Variants in CNTLN observed in about 807,000 individuals in gnomAD.
CNTLN encodes centlein, centrosomal protein.
Under a neutral mutation model 180.0 loss-of-function variants are expected in CNTLN, and 212 were observed. The ratio of observed to expected loss-of-function variants is 1.18; its 90% CI spans 1.05 to 1.32. CNTLN has a LOEUF of 1.32. Among genes scored for constraint, CNTLN ranks in the 40% most tolerant of loss-of-function variants. The pLI is 0.00. For missense variants in CNTLN, 2,095 were observed against 1,610.9 expected (o/e 1.30, Z -5.14); for synonymous variants, 722 against 563.1 (o/e 1.28, Z -3.99).
At chr9:17,305,718 ACCAAGTTT>A (rs1297494194) in intron 7 of CNTLN, among the ~76,000 whole-genome samples, 4 of 152,158 alleles carry the variant, frequency 2.6e-5, no homozygotes, top group Non-Finnish European at 5.9e-5. Flanking sequence ...GGCTGTTTTA[ACCAAGTTT>A]ACTGCTGGAC....
intron 23 of CNTLN, among the ~76,000 whole-genome samples, chr9:17,483,936 A>G (rs75594801): frequency 0.036 from 5,464 of 152,290 alleles, 320 homozygotes; most frequent in African/African-American, 0.12. Flanking sequence ...ATATATGCAC[A>G]TTGTGGAATA....
rs138571446 is a variant in CNTLN at position 17,406,670 on chromosome 9, T to C, written c.2616-2623T>C. Among the ~76,000 whole-genome samples, 449 of 151,978 alleles carry C rather than the reference T, an allele frequency of 3.0e-3. 11 individuals carry two copies. The highest frequency in any genetic ancestry group is 0.01 in the African/African-American group (428 of 41,244). ...TCATATTTCAGATTTATTGTGCTTA[T>C]TGTTTTCTTCGTGGATAGACTAAAT... is the stretch of plus-strand genomic sequence containing the variant. On this transcript the variant is annotated intron_variant, in intron 15 of 25. Coordinates refer to ENST00000380647, the MANE Select transcript of CNTLN (RefSeq NM_017738.4).
intron 7 of CNTLN, among the ~76,000 whole-genome samples, chr9:17,307,249 C>G (rs1049542099): frequency 2.0e-5 from 3 of 151,668 alleles, no homozygotes; most frequent in African/African-American, 7.3e-5. Flanking sequence ...TTTTAAATAT[C>G]TCCACAATAA....
chr9:17,241,956 T>TA (rs1301605354), intron 5 of CNTLN, among the ~76,000 whole-genome samples: 8 of 152,214 alleles, frequency 5.3e-5, no homozygotes, highest in African/African-American at 1.9e-4. Flanking sequence ...TGGTGGACTC[T>TA]TCAGGTTTTT....
At position 17,205,793 on chromosome 9, in the gene CNTLN, A is replaced by G. The variant is rs544049731; in HGVS notation, c.450-20410A>G. Among the ~76,000 whole-genome samples the G allele has an allele frequency of 4.1e-4, 63 of 152,288 alleles. No homozygotes were observed. The South Asian group carries it at 0.013, about 31-fold the overall frequency. ...TATCTGAATCCTGCTGCATGCTACC[A>G]TTATCACTGTTTTCCATGTTGATGC... On this transcript the variant is annotated intron_variant, in intron 2 of 25. Transcript: ENST00000380647.
chr9:17,406,031 T>A (rs1353503248), intron 15 of CNTLN, among the ~76,000 whole-genome samples: 1 of 151,774 alleles, frequency 6.6e-6, no homozygotes, highest in Non-Finnish European at 1.5e-5. Context: ...CTTAGCATCA[T>A]ACTTGGATAT....
At chr9:17,321,687 G>A (rs956588306) in intron 8 of CNTLN, among the ~76,000 whole-genome samples, 2 of 152,144 alleles carry the variant, frequency 1.3e-5, no homozygotes, top group South Asian at 2.1e-4. Context: ...TTTTCAGGTG[G>A]TAGGGAGAAG....
chr9:17,322,967 A>G (rs767588197), intron 8 of CNTLN, among the ~76,000 whole-genome samples: 2 of 152,354 alleles, frequency 1.3e-5, no homozygotes, highest in African/African-American at 2.4e-5. Flanking sequence ...GTAATATTAA[A>G]TAGAATCCTA....
At chr9:17,208,502 G>A (rs1576957) in intron 2 of CNTLN, among the ~76,000 whole-genome samples, 48,078 of 152,004 alleles carry the variant, frequency 0.32, 9,447 homozygotes, top group East Asian at 0.59. Context: ...ATTTGGAAGT[G>A]TTCTCTTCCT....
chr9:17,300,883 C>A, intron 7 of CNTLN: 1 of 696,020 alleles, frequency 1.4e-6, no homozygotes, highest in Non-Finnish European at 1.8e-6. Context: ...CTTCCAGTGC[C>A]TGAAAGCTTT....
chr9:17,475,864 C>G (rs1450932086), intron 23 of CNTLN, among the ~76,000 whole-genome samples: 1 of 80,554 alleles, frequency 1.2e-5, no homozygotes, highest in Non-Finnish European at 3.0e-5. Context: ...CAGAGCAAGA[C>G]TCTCTCTCAA....
chr9:17,320,687 G>A lies in CNTLN; in HGVS notation c.1342-9945G>A, dbSNP rs138344402. Among the ~76,000 whole-genome samples the A allele has an allele frequency of 5.5e-3, 832 of 151,782 alleles. 6 individuals are homozygous for A. Among genetic ancestry groups the A allele is most frequent in the African/African-American group, 0.019 (799 of 41,382 alleles). On this transcript the variant is annotated intron_variant, in intron 8 of 25. Coordinates refer to ENST00000380647, the MANE Select transcript of CNTLN (RefSeq NM_017738.4). ...CTGGCTAGTTTTTGTATTTTTAGTA[G>A]ACACGGGGTTTCACAACGTTGGCCA...
rs1451721013 is a variant in CNTLN at position 17,143,200 on chromosome 9, T to C, written c.361-88T>C. The C allele has an allele frequency of 3.4e-6, 3 of 870,818 alleles. No individual in the cohort carries two copies. In the African/African-American group the frequency reaches 5.1e-5, roughly 15 times the overall value. The allele number at this position is 870,818 out of a possible 1,614,324, so 53.9% of individuals were successfully genotyped here. A position where few individuals can be genotyped will look rare whatever the true frequency, so the allele number is the denominator to read the frequency against. On this transcript the variant is annotated intron_variant, in intron 1 of 25. Transcript: ENST00000380647. ...AGTTATACAACTAGGGATCAAGTAATTGTTTTTTCATTTTAAAATTTAATG... is the reference window on the plus strand; with the variant it reads ...AGTTATACAACTAGGGATCAAGTAACTGTTTTTTCATTTTAAAATTTAATG...
intron 6 of CNTLN, among the ~76,000 whole-genome samples, chr9:17,296,361 G>A (rs575136708): frequency 2.0e-5 from 3 of 152,130 alleles, no homozygotes; most frequent in South Asian, 4.1e-4. Context: ...TTTGTTGTAC[G>A]TTGTCCTTAA....
At chr9:17,428,518 G>T (rs1427151829) in intron 18 of CNTLN, among the ~76,000 whole-genome samples, 1 of 152,016 alleles carries the variant, frequency 6.6e-6, no homozygotes, top group Non-Finnish European at 1.5e-5. Context: ...TTGATTTGTT[G>T]TATTTATTTT....
chr9:17,501,419 G>A (rs1406685443), intron 25 of CNTLN, among the ~76,000 whole-genome samples: 2 of 152,194 alleles, frequency 1.3e-5, no homozygotes, highest in African/African-American at 4.8e-5. Context: ...TTGCCTGCCT[G>A]CTCTTTAGTT....
chr9:17,231,255 G>A (rs113306823), intron 3 of CNTLN, among the ~76,000 whole-genome samples: 2,020 of 152,178 alleles, frequency 0.013, 45 homozygotes, highest in African/African-American at 0.045. Flanking sequence ...TTATAGCTAT[G>A]AGATAGAGTA....
intron 18 of CNTLN, among the ~76,000 whole-genome samples, chr9:17,456,413 GT>G (rs1252090757): frequency 6.6e-6 from 1 of 152,024 alleles, no homozygotes; most frequent in East Asian, 1.9e-4. Flanking sequence ...TACCAAAACA[GT>G]TTGATCTCAA....
intron 18 of CNTLN, among the ~76,000 whole-genome samples, chr9:17,422,154 G>C (rs1482960062): frequency 6.6e-6 from 1 of 152,014 alleles, no homozygotes; most frequent in South Asian, 2.1e-4. Flanking sequence ...GATATTTTTG[G>C]TGTGTATAAT....
Sources: gnomAD v4.1 joint callset for allele counts (sites outside exome capture counted in the v4.1 genomes callset) on GRCh38, gnomAD v4.1.1 for gene constraint, MANE v1.5 for transcripts, NCBI Gene and HGNC (gene_info 2026-07-23, HGNC 2026-07-21) for gene names.